Variants in ASMTL observed in about 807,000 individuals in gnomAD.
ASMTL encodes the protein acetylserotonin O-methyltransferase like.
ASMTL carries 57 observed loss-of-function variants against 60.3 expected under a neutral mutation model. The observed-to-expected ratio is 0.95, with a 90% confidence interval of 0.76 to 1.18. The LOEUF is 1.18. Among genes scored for constraint, ASMTL ranks in the 50% most tolerant of loss-of-function variants. The pLI is 0.00. For missense variants in ASMTL, 981 were observed against 852.6 expected, an observed-to-expected ratio of 1.15 and a Z score of -1.88; for synonymous variants, 419 against 373.0, an observed-to-expected ratio of 1.12 and a Z score of -1.42.
At chrX:1,420,565 G>T in intron 9 of ASMTL, among the ~76,000 whole-genome samples, 1 of 152,282 alleles carries the variant, frequency 6.6e-6, no homozygotes, top group South Asian at 2.1e-4. Flanking sequence ...GACTCCCCAC[G>T]CCTGGCTGGC....
intron 10 of ASMTL, 66 bp downstream of exon 10, chrX:1,418,916 A>G: frequency 6.2e-7 from 1 of 1,601,128 alleles, no homozygotes; most frequent in Non-Finnish European, 8.5e-7. Context: ...AGGTGTCCTG[A>G]GCAGGGAAGA....
At chrX:1,448,282 C>T (rs2091273700) in intron 1 of ASMTL, among the ~76,000 whole-genome samples, 2 of 147,654 alleles carry the variant, frequency 1.4e-5, no homozygotes, top group Non-Finnish European at 3.0e-5. Flanking sequence ...ACATCTTGGA[C>T]ACACACCGCC....
chrX:1,405,971 C>G (rs1275312974), intron 12 of ASMTL, among the ~76,000 whole-genome samples: 41 of 125,742 alleles, frequency 3.3e-4, no homozygotes, highest in Middle Eastern at 7.4e-3. Flanking sequence ...ATGATGGGTA[C>G]GTAGATAGAT....
At chrX:1,448,655 CCACCATCTTGGAGACA>C (rs1402424617) in intron 1 of ASMTL, among the ~76,000 whole-genome samples, 19 of 151,250 alleles carry the variant, frequency 1.3e-4, no homozygotes, top group Non-Finnish European at 2.4e-4. Context: ...TGGATAAGCA[CCACCATCTTGGAGACA>C]CACCATCTTG....
At chrX:1,445,173 G>A (rs1336330365) in intron 1 of ASMTL, among the ~76,000 whole-genome samples, 14 of 152,068 alleles carry the variant, frequency 9.2e-5, no homozygotes, top group South Asian at 6.2e-4. Context: ...GAGGACCAGC[G>A]GCACTAAGCT....
intron 5 of ASMTL, 94 bp from the exon 6 acceptor site, chrX:1,432,471 C>T (rs1316257935): frequency 3.5e-6 from 3 of 865,208 alleles, no homozygotes; most frequent in Admixed American, 3.9e-5. Flanking sequence ...GGTGTGTACT[C>T]GAGCGCAGCG....
chrX:1,436,747 T>A (rs2090976517), intron 3 of ASMTL, among the ~76,000 whole-genome samples: 1 of 152,242 alleles, frequency 6.6e-6, no homozygotes, highest in Non-Finnish European at 1.5e-5. Context: ...ACTTGAGCTG[T>A]TTCTGCCTTT....
intron 12 of ASMTL, among the ~76,000 whole-genome samples, chrX:1,406,392 G>A (rs867188586): frequency 2.0e-5 from 3 of 149,720 alleles, no homozygotes; most frequent in African/African-American, 7.5e-5. Context: ...GGGTAGGTAG[G>A]TAGATGAATG....
chrX:1,417,773 T>C (rs1326553389), intron 11 of ASMTL, among the ~76,000 whole-genome samples, 200 bp downstream of exon 11: 2 of 1,116 alleles, frequency 1.8e-3, no homozygotes, highest in Non-Finnish European at 4.1e-3. Flanking sequence ...ATGTCACAGG[T>C]ATGCTCCAGG....
chrX:1,450,474 G>A (rs2091333859), intron 1 of ASMTL, among the ~76,000 whole-genome samples: 1 of 148,320 alleles, frequency 6.7e-6, no homozygotes, highest in Non-Finnish European at 1.5e-5. Flanking sequence ...CCATTCCTAG[G>A]GGTCTTGGAT....
In ASMTL at chrX:1,411,629, A is replaced by ACTTCAGCAACACGGCTGTAAACTGCG. The variant is rs1262220146; in HGVS notation, c.1645+1102_1645+1103insCGCAGTTTACAGCCGTGTTGCTGAAG. Among the ~76,000 whole-genome samples, 55 of 26,208 alleles carry ACTTCAGCAACACGGCTGTAAACTGCG rather than the reference A, an allele frequency of 2.1e-3. 3 individuals carry two copies. In the East Asian group the frequency reaches 0.027, roughly 13 times the overall value. The allele number at this position is 26,208 out of a possible 152,430, so 17.2% of individuals were successfully genotyped here. On this transcript the variant is annotated intron_variant, in intron 12 of 12. Transcript: ENST00000381317. ...AAACACACAGATTAGATCCAGCTGC[A>ACTTCAGCAACACGGCTGTAAACTGCG]GAGTCCACTCATGCGTGGATTTCCC...
intron 12 of ASMTL, among the ~76,000 whole-genome samples, chrX:1,410,997 C>T (rs1283865729): frequency 1.3e-5 from 2 of 151,708 alleles, no homozygotes; most frequent in African/African-American, 4.8e-5. Context: ...ACCAGCCTGA[C>T]CAACATGGAG....
At chrX:1,412,417 G>A (rs1186510163) in intron 12 of ASMTL, among the ~76,000 whole-genome samples, 3 of 151,996 alleles carry the variant, frequency 2.0e-5, no homozygotes, top group East Asian at 1.9e-4. Flanking sequence ...TAGTAGAGAC[G>A]GGGTTTCACC....
chrX:1,452,026 C>A (rs1455385679), intron 1 of ASMTL, among the ~76,000 whole-genome samples: 2 of 148,384 alleles, frequency 1.3e-5, no homozygotes, highest in South Asian at 2.1e-4. Context: ...TCTCTCCAAC[C>A]CCATCCCTAA....
intron 1 of ASMTL, among the ~76,000 whole-genome samples, chrX:1,445,997 C>T (rs1461626576): frequency 6.6e-6 from 1 of 152,112 alleles, no homozygotes; most frequent in African/African-American, 2.4e-5. Context: ...CAGACCCGCC[C>T]GCAGTTATCC....
chrX:1,439,848 GAA>G (rs1374787673), intron 2 of ASMTL, among the ~76,000 whole-genome samples: 1 of 126,030 alleles, frequency 7.9e-6, no homozygotes, highest in African/African-American at 2.9e-5. Context: ...AAAAAAAAAA[GAA>G]AAAAAAAAAC....
Position 1,412,803 on chromosome X carries a change from C to T in ASMTL, c.1574G>A (p.Arg525Gln), listed in dbSNP as rs201860146. ...LPSAELYVLC[R>Q]ILHDWPDDKV... ...GTCGTCTGGCCAGTCATGCAGGATC[C>T]GGCACAGGACGTACAGCTCAGCGCT... The change falls in exon 12 of 13, where the codon CGG becomes CAG. Residue 525 changes from arginine to glutamine, a missense_variant. Physicochemically the swap from Arg to Gln is conservative, Grantham distance 43. Coordinates refer to ENST00000381317, the MANE Select transcript of ASMTL (RefSeq NM_004192.4). 6.5e-4 allele frequency: 1,053 copies of T among 1,613,934 alleles called. 4 individuals are homozygous for T. Among genetic ancestry groups the T allele is most frequent in the South Asian group, 4.4e-3 (403 of 91,072 alleles).
At chrX:1,418,839 G>A in intron 10 of ASMTL, 143 bp downstream of exon 10, 2 of 1,045,792 alleles carry the variant, frequency 1.9e-6, no homozygotes, top group Non-Finnish European at 2.8e-6. Context: ...ATCCACCCAT[G>A]ATCTGGGACT....
chrX:1,436,644 A>G (rs1461531093), intron 3 of ASMTL, among the ~76,000 whole-genome samples: 30 of 151,264 alleles, frequency 2.0e-4, no homozygotes, highest in Non-Finnish European at 1.0e-4. Context: ...GAGCCACCGC[A>G]CCCGGCCAGC....
Sources: gnomAD v4.1 joint callset for allele counts (sites outside exome capture counted in the v4.1 genomes callset) on GRCh38, gnomAD v4.1.1 for gene constraint, MANE v1.5 for transcripts, NCBI Gene and HGNC (gene_info 2026-07-23, HGNC 2026-07-21) for gene names.